Variants in CNTN4 observed in about 807,000 individuals in gnomAD.
The protein encoded by CNTN4 is contactin-4.
CNTN4 carries 77 observed loss-of-function variants against 122.5 expected under a neutral mutation model. The ratio of observed to expected loss-of-function variants is 0.63; its 90% CI spans 0.52 to 0.76. The LOEUF is 0.76. Ranked by LOEUF, CNTN4 falls within the 30% of genes least tolerant of loss-of-function variation. The pLI is 0.00. For missense variants in CNTN4, 1,256 were observed against 1,259.1 expected, an observed-to-expected ratio of 1.00 and a Z score of 0.04; for synonymous variants, 512 against 447.0, an observed-to-expected ratio of 1.15 and a Z score of -1.83.
intron 4 of CNTN4, among the ~76,000 whole-genome samples, chr3:2,667,161 G>T (rs1309213321): frequency 6.6e-6 from 1 of 152,104 alleles, no homozygotes; most frequent in Non-Finnish European, 1.5e-5. Flanking sequence ...CTGAGGAATC[G>T]CCACACTAAC....
chr3:2,720,539 A>G (rs1175008796), intron 4 of CNTN4, among the ~76,000 whole-genome samples: 6 of 152,008 alleles, frequency 3.9e-5, no homozygotes, highest in African/African-American at 1.5e-4. Context: ...TCACTTTATT[A>G]CTCTCCTAGA....
At chr3:2,150,005 A>G (rs1168706668) in intron 2 of CNTN4, among the ~76,000 whole-genome samples, 17 of 151,584 alleles carry the variant, frequency 1.1e-4, no homozygotes, top group Admixed American at 1.1e-3. Flanking sequence ...AGTAAGCTGA[A>G]TATATGCAAG....
intron 3 of CNTN4, among the ~76,000 whole-genome samples, chr3:2,375,329 C>G (rs1213044437): frequency 1.3e-5 from 2 of 152,168 alleles, no homozygotes; most frequent in African/African-American, 4.8e-5. Context: ...TGGTATGTCA[C>G]AAGTCATCCC....
At chr3:2,185,906 C>A (rs1321417086) in intron 2 of CNTN4, among the ~76,000 whole-genome samples, 4 of 151,618 alleles carry the variant, frequency 2.6e-5, no homozygotes, top group Non-Finnish European at 5.9e-5. Context: ...TTGGTCTTTT[C>A]TTTTTTAACT....
At chr3:2,697,097 G>T (rs1473655119) in intron 4 of CNTN4, among the ~76,000 whole-genome samples, 1 of 152,160 alleles carries the variant, frequency 6.6e-6, no homozygotes, top group Non-Finnish European at 1.5e-5. Flanking sequence ...AAGAAGAAGG[G>T]TGACAAATTT....
At chr3:2,946,915 A>G (rs2094685171) in intron 13 of CNTN4, among the ~76,000 whole-genome samples, 1 of 151,996 alleles carries the variant, frequency 6.6e-6, no homozygotes, top group Non-Finnish European at 1.5e-5. Context: ...TTTGTTGCCC[A>G]GGCTGGTCTC....
chr3:2,911,997 G>C (rs534666369), intron 12 of CNTN4, among the ~76,000 whole-genome samples: 18 of 152,108 alleles, frequency 1.2e-4, no homozygotes, highest in Non-Finnish European at 2.4e-4. Context: ...ACAATAAAGA[G>C]AGAAAATGGC....
intron 3 of CNTN4, among the ~76,000 whole-genome samples, chr3:2,434,850 A>G (rs2048204258): frequency 6.6e-6 from 1 of 152,168 alleles, no homozygotes; most frequent in Admixed American, 6.5e-5. Flanking sequence ...CTGTTAATTC[A>G]TGTCGCCAGC....
At chr3:2,509,523 A>C (rs79115447) in intron 3 of CNTN4, among the ~76,000 whole-genome samples, 3 of 152,336 alleles carry the variant, frequency 2.0e-5, no homozygotes, top group Non-Finnish European at 4.4e-5. Flanking sequence ...ACCATTAACT[A>C]TTGGTAATAA....
At chr3:2,123,175 A>G (rs1457072816) in intron 2 of CNTN4, among the ~76,000 whole-genome samples, 1 of 152,226 alleles carries the variant, frequency 6.6e-6, no homozygotes, top group Non-Finnish European at 1.5e-5. Context: ...CTATATGCCT[A>G]GCACCCTTGC....
At chr3:2,697,671 C>T (rs79084868) in intron 4 of CNTN4, among the ~76,000 whole-genome samples, 2,662 of 152,080 alleles carry the variant, frequency 0.018, 81 homozygotes, top group African/African-American at 0.057. Context: ...TTGAATTAGT[C>T]ATGGTTTATT....
chr3:2,225,532 AAAC>A (rs879942089), intron 2 of CNTN4, among the ~76,000 whole-genome samples: 8 of 151,520 alleles, frequency 5.3e-5, no homozygotes, highest in Admixed American at 5.3e-4. Context: ...AACAAACAAA[AAAC>A]AAAAACAAAC....
intron 2 of CNTN4, among the ~76,000 whole-genome samples, chr3:2,192,403 CTT>C (rs1332639530): frequency 6.6e-6 from 1 of 152,126 alleles, no homozygotes; most frequent in Non-Finnish European, 1.5e-5. Flanking sequence ...TGTTTCCTGA[CTT>C]TTTAATGATC....
intron 3 of CNTN4, among the ~76,000 whole-genome samples, chr3:2,566,431 T>G (rs375203467): frequency 2.0e-5 from 3 of 152,214 alleles, no homozygotes; most frequent in African/African-American, 7.2e-5. Context: ...GAGAAGTGAA[T>G]GTAAGATCAC....
chr3:2,255,248 T>A (rs2040534135), intron 2 of CNTN4, among the ~76,000 whole-genome samples: 1 of 152,166 alleles, frequency 6.6e-6, no homozygotes, highest in South Asian at 2.1e-4. Flanking sequence ...GGTCTATATA[T>A]CTGTTTTGGT....
At chr3:2,774,310 C>A (rs2091227105) in intron 6 of CNTN4, among the ~76,000 whole-genome samples, 1 of 151,846 alleles carries the variant, frequency 6.6e-6, no homozygotes, top group Non-Finnish European at 1.5e-5. Context: ...GCTGCATTAC[C>A]CCCACCCCAA....
intron 2 of CNTN4, among the ~76,000 whole-genome samples, chr3:2,323,170 C>G (rs1445661039): frequency 6.6e-6 from 1 of 152,148 alleles, no homozygotes; most frequent in Non-Finnish European, 1.5e-5. Context: ...ATTTTAATTT[C>G]ATAGACATGC....
chr3:2,406,179 TA>T (rs1300217747), intron 3 of CNTN4, among the ~76,000 whole-genome samples: 3 of 152,162 alleles, frequency 2.0e-5, no homozygotes, highest in African/African-American at 2.4e-5. Flanking sequence ...TTATTAATTA[TA>T]AAGGGGAAAT....
At chr3:2,729,301 A>C (rs958986360) in intron 4 of CNTN4, among the ~76,000 whole-genome samples, 5 of 151,944 alleles carry the variant, frequency 3.3e-5, no homozygotes, top group African/African-American at 7.3e-5. Context: ...GCGGTGGCTC[A>C]CGCCTGTAAT....
Sources: gnomAD v4.1 joint callset for allele counts (sites outside exome capture counted in the v4.1 genomes callset) on GRCh38, gnomAD v4.1.1 for gene constraint, MANE v1.5 for transcripts, NCBI Gene and HGNC (gene_info 2026-07-23, HGNC 2026-07-21) for gene names.